C11orf65: variants seen among roughly 807,000 people sequenced by gnomAD.
C11orf65 encodes the protein chromosome 11 open reading frame 65.
Under a neutral mutation model 35.3 loss-of-function variants are expected in C11orf65, and 38 were observed. The observed-to-expected ratio is 1.08, with a 90% confidence interval of 0.83 to 1.41. The LOEUF (loss-of-function observed/expected upper bound fraction) is 1.41, where lower values mean the gene tolerates loss of function less well. C11orf65 is among the 40% of genes most tolerant of loss of function. The pLI, the probability that C11orf65 is intolerant of heterozygous loss-of-function variation, is 0.00. For missense variants in C11orf65, 370 were observed against 367.1 expected (o/e 1.01, Z -0.06); for synonymous variants, 105 against 114.4 (o/e 0.92, Z 0.53).
chr11:108,436,289 T>C (rs916139211), intron 2 of C11orf65, among the ~76,000 whole-genome samples: 1 of 152,152 alleles, frequency 6.6e-6, no homozygotes, highest in Non-Finnish European at 1.5e-5. Context: ...TCCAGAACCG[T>C]AAGATAATAC....
chr11:108,375,707 C>T (rs2138163223), intron 2 of C11orf65, among the ~76,000 whole-genome samples: 1 of 152,260 alleles, frequency 6.6e-6, no homozygotes, highest in African/African-American at 2.4e-5. Context: ...GATAAAGAGT[C>T]AAGACCCGTC....
At chr11:108,313,326 A>G (rs944653927) in intron 6 of C11orf65, among the ~76,000 whole-genome samples, 3 of 152,062 alleles carry the variant, frequency 2.0e-5, no homozygotes, top group Admixed American at 6.5e-5. Flanking sequence ...CCTCTTCCCT[A>G]TGTTCTCTTT....
At chr11:108,322,997 C>T (rs4988098) in intron 6 of C11orf65, among the ~76,000 whole-genome samples, 3,053 of 151,934 alleles carry the variant, frequency 0.02, 59 homozygotes, top group Non-Finnish European at 0.026. Context: ...GATTTGTATT[C>T]GATGGTCTCT....
intron 3 of C11orf65, among the ~76,000 whole-genome samples, chr11:108,409,765 T>G (rs1441841194): frequency 1.3e-5 from 2 of 152,040 alleles, no homozygotes; most frequent in Non-Finnish European, 2.9e-5. Context: ...AGCAGCAACA[T>G]TAGATTCTCA....
chr11:108,326,331 G>C, intron 6 of C11orf65: 1 of 1,390,980 alleles, frequency 7.2e-7, no homozygotes, highest in Non-Finnish European at 9.7e-7. Context: ...CTTGAAATTA[G>C]TAATTTATTA....
intron 7 of C11orf65, among the ~76,000 whole-genome samples, chr11:108,391,055 T>TC (rs770294940): frequency 5.3e-5 from 8 of 152,088 alleles, no homozygotes; most frequent in Non-Finnish European, 8.8e-5. Flanking sequence ...CATTATTCTC[T>TC]CCCCTGCTTC....
At chr11:108,464,371 A>T (rs1054117980) in intron 1 of C11orf65, among the ~76,000 whole-genome samples, 3 of 152,098 alleles carry the variant, frequency 2.0e-5, no homozygotes, top group East Asian at 3.9e-4. Context: ...ATTTTGGTGC[A>T]CTGCAACCTC....
chr11:108,393,519 T>C (rs2092221082), intron 6 of C11orf65, 141 bp from the exon 7 acceptor site: 4 of 766,342 alleles, frequency 5.2e-6, no homozygotes. Flanking sequence ...ATAACTCAGA[T>C]GCATCTAAAC....
chr11:108,465,663 A>C (rs1264591534), intron 1 of C11orf65, among the ~76,000 whole-genome samples: 2 of 151,654 alleles, frequency 1.3e-5, no homozygotes, highest in African/African-American at 4.8e-5. Context: ...GTGTAGCTAG[A>C]GAGTGAGAAT....
intron 2 of C11orf65, among the ~76,000 whole-genome samples, chr11:108,373,772 CAAGGA>C (rs2138132417): frequency 6.6e-6 from 1 of 152,324 alleles, no homozygotes; most frequent in Admixed American, 6.5e-5. Flanking sequence ...CTTTCCTGGT[CAAGGA>C]AAGGGGTGAC....
At chr11:108,389,188 A>G (rs2092087968) in intron 7 of C11orf65, among the ~76,000 whole-genome samples, 1 of 152,260 alleles carries the variant, frequency 6.6e-6, no homozygotes. Context: ...TCAGACTTTT[A>G]AATTTTCATC....
At chr11:108,422,835 T>C (rs1565676190) in intron 3 of C11orf65, among the ~76,000 whole-genome samples, 1 of 148,570 alleles carries the variant, frequency 6.7e-6, no homozygotes, top group Non-Finnish European at 1.5e-5. Context: ...TGAGCCAAGA[T>C]CGCACCATGG....
intron 2 of C11orf65, chr11:108,366,157 T>TTAAG: frequency 5.1e-6 from 1 of 196,936 alleles, no homozygotes; most frequent in East Asian, 8.1e-5. Context: ...TACTATTTTT[T>TTAAG]TAAGTGTGTA....
intron 6 of C11orf65, among the ~76,000 whole-genome samples, chr11:108,311,816 A>T (rs1437044561): frequency 6.6e-6 from 1 of 152,180 alleles, no homozygotes; most frequent in African/African-American, 2.4e-5. Flanking sequence ...TAGACACCAC[A>T]GCTGTCATGG....
intron 2 of C11orf65, among the ~76,000 whole-genome samples, chr11:108,342,170 G>A (rs375548399): frequency 2.6e-5 from 4 of 152,152 alleles, no homozygotes; most frequent in Admixed American, 6.5e-5. Flanking sequence ...AATTCTTCCA[G>A]TGTGGCCCAG....
intron 2 of C11orf65, among the ~76,000 whole-genome samples, chr11:108,357,693 C>T (rs1027293200): frequency 2.0e-5 from 3 of 152,164 alleles, no homozygotes; most frequent in African/African-American, 7.2e-5. Flanking sequence ...ACACTGACAC[C>T]TCACACGGCA....
chr11:108,369,353 TATGA>T lies in C11orf65; in HGVS notation c.226+23851_226+23854del, dbSNP rs137898590. On this transcript the variant is annotated intron_variant, in intron 2 of 3. Transcript: ENST00000524755. ...AGTCGCCTCCTGACGAAAAGGCAAA[TATGA>T]ATGTTCTTTCTTTGGGCCTAGAAAG... Among the ~76,000 whole-genome samples the T allele has an allele frequency of 6.2e-3, 942 of 152,246 alleles. 8 individuals are homozygous for T. Among genetic ancestry groups the T allele is most frequent in the African/African-American group, 0.02 (830 of 41,530 alleles).
intron 2 of C11orf65, among the ~76,000 whole-genome samples, chr11:108,440,899 C>A (rs1425895721): frequency 2.6e-5 from 4 of 152,180 alleles, no homozygotes; most frequent in Non-Finnish European, 5.9e-5. Context: ...CTACAGCTCC[C>A]AGCATGAGCA....
intron 2 of C11orf65, among the ~76,000 whole-genome samples, chr11:108,356,761 G>A (rs1380271353): frequency 6.6e-6 from 1 of 152,102 alleles, no homozygotes; most frequent in East Asian, 1.9e-4. Flanking sequence ...ATGCCAAACT[G>A]CTTATGGACT....
Sources: gnomAD v4.1 joint callset for allele counts (sites outside exome capture counted in the v4.1 genomes callset) on GRCh38, gnomAD v4.1.1 for gene constraint, MANE v1.5 for transcripts, NCBI Gene and HGNC (gene_info 2026-07-23, HGNC 2026-07-21) for gene names.